The following AFMID variants were observed in gnomAD, a reference collection of about 807,000 sequenced individuals.
AFMID encodes the protein arylformamidase.
A neutral mutation model predicts 47.5 loss-of-function variants in AFMID; 39 were observed. That is an observed-to-expected ratio of 0.82 (90% CI 0.64 to 1.07). The LOEUF (loss-of-function observed/expected upper bound fraction) is 1.07, where lower values mean the gene tolerates loss of function less well. Ranked by LOEUF, AFMID falls within the 50% of genes least tolerant of loss-of-function variation. The probability of loss-of-function intolerance (pLI) is 0.00; values close to 1 mark genes in which losing one functional copy is unlikely to be tolerated. For synonymous variants in AFMID, 130 were observed against 153.2 expected (o/e 0.85, Z 1.12); for missense variants, 375 against 387.5 (o/e 0.97, Z 0.27).
chr17:78,192,555 C>T (rs2075999730), intron 2 of AFMID: 1 of 455,488 alleles, frequency 2.2e-6, no homozygotes, highest in South Asian at 1.6e-5. Context: ...CTCAGGTCAT[C>T]CACCTGCCTC....
chr17:78,193,975 CA>C (rs35735703), intron 2 of AFMID, among the ~76,000 whole-genome samples: 12,717 of 128,188 alleles, frequency 0.099, 1,081 homozygotes, highest in African/African-American at 0.25. Context: ...GACTCCATCT[CA>C]AAAAAAAAAA....
intron 6 of AFMID, 38 bp downstream of exon 6, chr17:78,204,938 C>T (rs2076338555): frequency 1.2e-6 from 2 of 1,612,568 alleles, no homozygotes; most frequent in African/African-American, 1.3e-5. Context: ...TGTTGGACCT[C>T]AGTGGGTGGG....
chr17:78,192,664 A>G (rs2076003527), intron 2 of AFMID: 1 of 470,830 alleles, frequency 2.1e-6, no homozygotes, highest in African/African-American at 2.0e-5. Flanking sequence ...CCTGTAAACT[A>G]GTGAAGTCTT....
intron 2 of AFMID, 33 bp downstream of exon 2, chr17:78,191,093 G>A (rs1230205891): frequency 1.3e-6 from 2 of 1,577,892 alleles, no homozygotes; most frequent in Admixed American, 3.4e-5. Flanking sequence ...GCCGCATTGG[G>A]TGTCCTTAAG....
At chr17:78,204,549 G>A in intron 4 of AFMID, 107 bp from the exon 5 acceptor site, 1 of 1,033,898 alleles carries the variant, frequency 9.7e-7, no homozygotes, top group Admixed American at 1.9e-5. Context: ...CCAGAAAGGG[G>A]TGATGCTGTG....
At position 78,206,983 on chromosome 17, in the gene AFMID, A is replaced by G; in HGVS notation, c.*46A>G. ...TGGTCCACGTGCATCCCACCTTGGG[A>G]AGCCTCTCCAAAGAGCTTTCGGAGC... On this transcript the variant is annotated 3_prime_UTR_variant, in exon 11 of 11. Coordinates refer to ENST00000409257, the MANE Select transcript of AFMID (RefSeq NM_001010982.5). 1 of 1,603,624 alleles carries G rather than the reference A, an allele frequency of 6.2e-7. No individual in the cohort carries two copies.
chr17:78,190,312 T>C (rs1198369065), intron 1 of AFMID, among the ~76,000 whole-genome samples: 1 of 152,120 alleles, frequency 6.6e-6, no homozygotes, highest in Non-Finnish European at 1.5e-5. Context: ...GACCTTTCAT[T>C]CCTTCCTCCT....
chr17:78,192,612 A>G (rs1469950395), intron 2 of AFMID: 3 of 470,684 alleles, frequency 6.4e-6, no homozygotes, highest in African/African-American at 6.0e-5. Context: ...CCGTGCCTGG[A>G]CTTTCACCTT....
chr17:78,206,048 C>G lies in AFMID; in HGVS notation c.883C>G (p.Gln295Glu). Residue 295 changes from glutamine to glutamate, a missense_variant and splice_region_variant, in exon 10 of 11, where the codon CAG (glutamine) becomes GAG (glutamate). By Grantham distance (29) the Gln-to-Glu change is conservative. Transcript: ENST00000409257. ...NLTQKDNVLT[Q>E]IILKTIFQ ...GACCCAGAAGGACAACGTGCTCACCCAGGTGGGGCCTCATCCCTGGCAGCC... is the reference window on the plus strand; with the variant it reads ...GACCCAGAAGGACAACGTGCTCACCGAGGTGGGGCCTCATCCCTGGCAGCC... 6 of 1,613,928 alleles carry G rather than the reference C, an allele frequency of 3.7e-6. No homozygotes were observed. The highest frequency in any genetic ancestry group is 5.1e-6 in the Non-Finnish European group (6 of 1,179,834).
rs760754291 is a variant in AFMID, at chr17:78,205,451, G to C, written c.577G>C (p.Val193Leu). 110 of 1,614,030 alleles carry C rather than the reference G, an allele frequency of 6.8e-5. No individual in the cohort carries two copies. Among genetic ancestry groups the C allele is most frequent in the Non-Finnish European group, 8.7e-5 (103 of 1,180,030 alleles). The change falls in exon 8 of 11, where the codon GTG (valine) becomes CTG (leucine). Residue 193 changes from valine to leucine, a missense_variant. Val to Leu is a conservative substitution (Grantham distance 32). Transcript: ENST00000409257. ...VTPNLRGFFL[V>L]SGVFDLEPIV... ...CTGTACCTTCACAGGCTTTTTCCTG[G>C]TGAGTGGGGTCTTTGACCTGGAGCC...
At chr17:78,196,768 C>T (rs1015316506) in intron 2 of AFMID, among the ~76,000 whole-genome samples, 1 of 152,144 alleles carries the variant, frequency 6.6e-6, no homozygotes, top group Admixed American at 6.6e-5. Context: ...TTCGTAGCAC[C>T]ATTTCCACAT....
chr17:78,193,515 G>A (rs2076031047), intron 2 of AFMID, among the ~76,000 whole-genome samples: 1 of 148,528 alleles, frequency 6.7e-6, no homozygotes, highest in Non-Finnish European at 1.5e-5. Context: ...CAAGTCATAT[G>A]AATGAAAGAA....
At chr17:78,191,458 T>C (rs1055465170) in intron 2 of AFMID, among the ~76,000 whole-genome samples, 5 of 152,020 alleles carry the variant, frequency 3.3e-5, no homozygotes, top group African/African-American at 1.2e-4. Context: ...CCGAGGCAGG[T>C]ATATCACTTG....
chr17:78,202,678 A>G lies in AFMID; in HGVS notation c.260-25A>G, dbSNP rs1599010773. 6 of 1,565,060 alleles carry G rather than the reference A, an allele frequency of 3.8e-6. No homozygotes were observed. The East Asian group carries it at 1.4e-4, about 37-fold the overall frequency. ...GAGCTCAGCAGGGCGGGCCTTGCTC[A>G]CACGCCCTGTGCTTGGTTTTGCAGC... On this transcript the variant is annotated intron_variant, in intron 3 of 10. Coordinates refer to ENST00000409257, the MANE Select transcript of AFMID (RefSeq NM_001010982.5).
intron 2 of AFMID, among the ~76,000 whole-genome samples, chr17:78,195,201 T>A (rs2076080047): frequency 6.6e-6 from 1 of 151,942 alleles, no homozygotes; most frequent in South Asian, 2.1e-4. Flanking sequence ...TCTTTTTTTT[T>A]TTCTTTTGAG....
Position 78,205,935 on chromosome 17 carries a change from C to G in AFMID, c.781-11C>G. 6.2e-7 allele frequency: 1 copy of G among 1,612,686 alleles called. No homozygotes were observed. Among genetic ancestry groups the G allele is most frequent in the Non-Finnish European group, 8.5e-7 (1 of 1,179,464 alleles). On this transcript the variant is annotated splice_polypyrimidine_tract_variant and intron_variant, in intron 9 of 10. Transcript: ENST00000409257. Reference sequence around the variant, plus strand: ...TGCTCAGGCCCCTCTTCCCATGTCTCCCCTGCCCAGACCCTGTGTCAAGGA... The same window carrying G: ...TGCTCAGGCCCCTCTTCCCATGTCTGCCCTGCCCAGACCCTGTGTCAAGGA...
intron 5 of AFMID, 36 bp from the exon 6 acceptor site, chr17:78,204,792 A>G: frequency 6.2e-7 from 1 of 1,614,160 alleles, no homozygotes; most frequent in Non-Finnish European, 8.5e-7. Flanking sequence ...TTTAGGAGGA[A>G]GTGCATCCCT....
Position 78,205,381 on chromosome 17 carries a change from G to T in AFMID, c.566-59G>T, listed in dbSNP as rs1036691182. On this transcript the variant is annotated intron_variant, in intron 7 of 10. Transcript: ENST00000409257. Reference sequence around the variant, plus strand: ...CCTGCCCCTCTGGCGGTGGGGGTGGGCTGGCCCTGCCTTGCTCCGCCTGGA... The same window carrying T: ...CCTGCCCCTCTGGCGGTGGGGGTGGTCTGGCCCTGCCTTGCTCCGCCTGGA... The T allele has an allele frequency of 4.9e-5, 78 of 1,589,508 alleles. No homozygotes were observed. The Middle Eastern group carries it at 5.1e-4, about 10-fold the overall frequency.
At position 78,205,646 on chromosome 17, in the gene AFMID, G is replaced by T. The variant is rs1015031974; in HGVS notation, c.688G>T (p.Ala230Ser). 3.7e-6 allele frequency: 6 copies of T among 1,613,710 alleles called. No individual in the cohort carries two copies. In the African/African-American group the frequency reaches 8.0e-5, roughly 22 times the overall value. ...RNSPQLKVAQ[A>S]QPVDPTCRVL... ...TAGCCCCCAGCTGAAGGTGGCCCAG[G>T]CACAGCCGGTGGACCCCACCTGCCG... The change falls in exon 9 of 11, where the codon GCA (alanine) becomes TCA (serine). Residue 230 changes from alanine (A) to serine (S), a missense_variant. Transcript: ENST00000409257.
Sources: gnomAD v4.1 joint callset for allele counts (sites outside exome capture counted in the v4.1 genomes callset) on GRCh38, gnomAD v4.1.1 for gene constraint, MANE v1.5 for transcripts, NCBI Gene and HGNC (gene_info 2026-07-23, HGNC 2026-07-21) for gene names.